Variants in GALNT18 observed in about 807,000 individuals in gnomAD.
The protein encoded by GALNT18 is GalNAc-transferase 18.
GALNT18 carries 44 observed loss-of-function variants against 69.5 expected under a neutral mutation model. The observed-to-expected ratio is 0.63, with a 90% CI of 0.50 to 0.81. The LOEUF is 0.81. Ranked by LOEUF, GALNT18 falls within the 40% of genes least tolerant of loss-of-function variation. The probability of loss-of-function intolerance (pLI) is 0.00; values close to 1 mark genes in which losing one functional copy is unlikely to be tolerated. For synonymous variants in GALNT18, 364 were observed against 318.2 expected (o/e 1.14, Z -1.53); for missense variants, 715 against 810.0 (o/e 0.88, Z 1.42).
intron 6 of GALNT18, among the ~76,000 whole-genome samples, chr11:11,349,090 G>A (rs750296136): frequency 6.6e-6 from 1 of 152,110 alleles, no homozygotes; most frequent in African/African-American, 2.4e-5. Flanking sequence ...GTTTGTGAAC[G>A]CTATATAAAT....
rs113350691 is a variant in GALNT18 at position 11,389,202 on chromosome 11, G to A, written c.596-9938C>T. Among the ~76,000 whole-genome samples the A allele has an allele frequency of 6.6e-5, 10 of 152,182 alleles. No individual in the cohort carries two copies. The highest frequency in any genetic ancestry group is 1.9e-4 in the African/African-American group (8 of 41,448). On this transcript the variant is annotated intron_variant, in intron 3 of 10. Coordinates refer to ENST00000227756, the MANE Select transcript of GALNT18 (RefSeq NM_198516.3). This position sits in a 1 kb window ranked among gnomAD's most constrained non-coding sequence, Gnocchi z 4.3. The stretch of plus-strand genomic sequence containing the variant: ...AGAAGGTAAGGAAGGAGCAGGATTC[G>A]AACTCAGGCCTGCTTGCCTCTGAAG...
chr11:11,491,674 T>C (rs1293637846), intron 1 of GALNT18, among the ~76,000 whole-genome samples: 1 of 152,228 alleles, frequency 6.6e-6, no homozygotes, highest in Non-Finnish European at 1.5e-5. Flanking sequence ...ATTCATTTAA[T>C]CATTCAACAC....
In GALNT18 at chr11:11,329,315, A is replaced by AG. The variant is rs541037050; in HGVS notation, c.1417-2135_1417-2134insC. Among the ~76,000 whole-genome samples the AG allele has an allele frequency of 2.4e-4, 37 of 152,310 alleles. No homozygotes were observed. In the East Asian group the frequency reaches 6.2e-3, roughly 25 times the overall value. On this transcript the variant is annotated intron_variant, in intron 8 of 10. Transcript: ENST00000227756. ...TTAGGAATGCATCTATGTGTCAGGT[A>AG]CCATGTGAAGTGCTTTCCACATATG...
chr11:11,310,853 C>G (rs981644872), intron 9 of GALNT18, among the ~76,000 whole-genome samples: 1 of 152,202 alleles, frequency 6.6e-6, no homozygotes, highest in Non-Finnish European at 1.5e-5. Flanking sequence ...TCCATTTATG[C>G]CCGTGATATA....
At chr11:11,390,956 A>G (rs1854177461) in intron 3 of GALNT18, among the ~76,000 whole-genome samples, 1 of 152,174 alleles carries the variant, frequency 6.6e-6, no homozygotes, top group Admixed American at 6.5e-5. Flanking sequence ...GGAAATCCAC[A>G]AGACAATGCC....
rs547822584 is a variant in GALNT18, at chr11:11,548,336, T to TA, written c.235+73022dup. Among the ~76,000 whole-genome samples, 688 of 152,104 alleles carry TA rather than the reference T, an allele frequency of 4.5e-3. 8 individuals are homozygous for TA. Among genetic ancestry groups the TA allele is most frequent in the African/African-American group, 0.016 (664 of 41,476 alleles). On this transcript the variant is annotated intron_variant, in intron 1 of 10. Transcript: ENST00000227756. The stretch of plus-strand genomic sequence containing the variant: ...AACACCCTAGTGAGACTGCAGTAGG[T>TA]AGAAAAAAGAGAGAGGCAGCCTCTG...
chr11:11,493,261 T>G (rs1856808011), intron 1 of GALNT18, among the ~76,000 whole-genome samples: 1 of 69,428 alleles, frequency 1.4e-5, no homozygotes, highest in African/African-American at 5.7e-5. Context: ...ACTCCATCCT[T>G]CATCTCAAAA....
At chr11:11,534,789 C>T (rs993719700) in intron 1 of GALNT18, among the ~76,000 whole-genome samples, 17 of 152,260 alleles carry the variant, frequency 1.1e-4, no homozygotes, top group African/African-American at 3.9e-4. Context: ...CAACTGCAGA[C>T]ACAAATTTCT....
intron 1 of GALNT18, among the ~76,000 whole-genome samples, chr11:11,522,264 C>G (rs1420159636): frequency 1.3e-5 from 2 of 152,180 alleles, no homozygotes; most frequent in Non-Finnish European, 2.9e-5. Context: ...AACTCTATGC[C>G]CCATCTCTGA....
At chr11:11,289,991 T>G (rs1436354975) in intron 10 of GALNT18, among the ~76,000 whole-genome samples, 1 of 152,206 alleles carries the variant, frequency 6.6e-6, no homozygotes, top group African/African-American at 2.4e-5. Flanking sequence ...TACCCATGTC[T>G]GGATGACACC....
chr11:11,504,045 G>A (rs1857023754), intron 1 of GALNT18, among the ~76,000 whole-genome samples: 1 of 152,178 alleles, frequency 6.6e-6, no homozygotes, highest in African/African-American at 2.4e-5. Flanking sequence ...CTCTTGGCCT[G>A]AGCATATAAA....
chr11:11,281,799 A>C (rs1215951377), intron 10 of GALNT18, among the ~76,000 whole-genome samples: 1 of 152,090 alleles, frequency 6.6e-6, no homozygotes, highest in Admixed American at 6.5e-5. Flanking sequence ...AGGATGGATC[A>C]CGGCCAAGAG....
chr11:11,492,987 G>T (rs1271720536), intron 1 of GALNT18, among the ~76,000 whole-genome samples: 1 of 152,078 alleles, frequency 6.6e-6, no homozygotes, highest in South Asian at 2.1e-4. Context: ...CTTGGGCCGG[G>T]TGCAGTGGCT....
Position 11,550,334 on chromosome 11 carries a change from T to C in GALNT18, c.235+71025A>G, listed in dbSNP as rs1858158894. Reference sequence around the variant, plus strand: ...ATGCTTCGGACCTCTCAGAAAATGATGCAAGGGGATCTCAAGGCAGTCCCA... The same window carrying C: ...ATGCTTCGGACCTCTCAGAAAATGACGCAAGGGGATCTCAAGGCAGTCCCA... On this transcript the variant is annotated intron_variant, in intron 1 of 10. Coordinates refer to ENST00000227756, the MANE Select transcript of GALNT18 (RefSeq NM_198516.3). Among the ~76,000 whole-genome samples, 4 of 152,314 alleles carry C rather than the reference T, an allele frequency of 2.6e-5. No homozygotes were observed. The South Asian group carries it at 8.3e-4, about 32-fold the overall frequency.
rs1849718208 is a variant in GALNT18, at chr11:11,314,407, TG to T, written c.1512+12678del. Among the ~76,000 whole-genome samples, 12 of 151,658 alleles carry T rather than the reference TG, an allele frequency of 7.9e-5. No individual in the cohort carries two copies. The South Asian group carries it at 2.5e-3, about 32-fold the overall frequency. ...CTTTTTTTTTTTTTAGCATGGAAGC[TG>T]CAGGAGCAGCCCAGAGTTCACCATC... On this transcript the variant is annotated intron_variant, in intron 9 of 10. Coordinates refer to ENST00000227756, the MANE Select transcript of GALNT18 (RefSeq NM_198516.3). This position sits in a 1 kb window ranked among gnomAD's most constrained non-coding sequence, Gnocchi z 5.2.
At chr11:11,310,393 T>A (rs11021778) in intron 9 of GALNT18, among the ~76,000 whole-genome samples, 13,575 of 152,216 alleles carry the variant, frequency 0.089, 769 homozygotes, top group Non-Finnish European at 0.13. Context: ...ACACCTGGAG[T>A]GCCCCAAGAA....
chr11:11,504,701 T>G (rs919312880), intron 1 of GALNT18, among the ~76,000 whole-genome samples: 2 of 152,068 alleles, frequency 1.3e-5, no homozygotes, highest in African/African-American at 4.8e-5. Flanking sequence ...GAGGTTGCGG[T>G]GAACCATGAT....
At position 11,302,396 on chromosome 11, in the gene GALNT18, C is replaced by T. The variant is rs368274985; in HGVS notation, c.1513-9203G>A. On this transcript the variant is annotated intron_variant, in intron 9 of 10. Transcript: ENST00000227756. ...CTAGGGACCAGGGCTTGCAAACTCT[C>T]CTGATCTAGGCCTTAGCCCCTCATC... Among the ~76,000 whole-genome samples, 13 of 152,246 alleles carry T rather than the reference C, an allele frequency of 8.5e-5. No homozygotes were observed. The East Asian group carries it at 2.1e-3, about 25-fold the overall frequency.
intron 10 of GALNT18, among the ~76,000 whole-genome samples, chr11:11,275,230 C>T (rs151216447): frequency 0.015 from 2,252 of 152,250 alleles, 11 homozygotes; most frequent in Middle Eastern, 0.02. Flanking sequence ...TTTTAATGAT[C>T]GCCATTCTAA....
Sources: allele counts gnomAD v4.1 joint callset (sites outside exome capture counted in the v4.1 genomes callset), GRCh38; gene constraint gnomAD v4.1.1; non-coding constraint Gnocchi (gnomAD v3.1); transcripts MANE v1.5; gene names NCBI Gene and HGNC (gene_info 2026-07-23, HGNC 2026-07-21).